Variants in HLCS observed in about 807,000 individuals in gnomAD.
The protein encoded by HLCS is biotin--protein ligase.
A neutral mutation model predicts 75.0 loss-of-function variants in HLCS; 53 were observed. The ratio of observed to expected loss-of-function variants is 0.71; its 90% confidence interval spans 0.57 to 0.89. The LOEUF is 0.89. HLCS is among the 40% of genes least tolerant of loss of function. The pLI, the probability that HLCS is intolerant of heterozygous loss-of-function variation, is 0.00. For synonymous variants in HLCS, 431 were observed against 428.6 expected (o/e 1.01, Z -0.07); for missense variants, 966 against 1,074.0 (o/e 0.90, Z 1.41).
At chr21:36,817,715 C>T (rs547689712) in intron 6 of HLCS, among the ~76,000 whole-genome samples, 92 of 152,170 alleles carry the variant, frequency 6.0e-4, no homozygotes, top group Non-Finnish European at 1.3e-3. Context: ...AAGTACTACT[C>T]CATTATTGGG....
chr21:36,940,421 C>T (rs1306596714), intron 2 of HLCS, among the ~76,000 whole-genome samples: 1 of 152,154 alleles, frequency 6.6e-6, no homozygotes, highest in Non-Finnish European at 1.5e-5. Context: ...GAGTAATTCT[C>T]CCGCCTCAGC....
At chr21:36,930,189 G>C in intron 5 of HLCS, 62 bp downstream of exon 5, 1 of 1,384,282 alleles carries the variant, frequency 7.2e-7, no homozygotes. Context: ...TAAAGCAACG[G>C]GTCGCCACTG....
intron 6 of HLCS, among the ~76,000 whole-genome samples, chr21:36,864,536 T>TA (rs1408104457): frequency 1.3e-5 from 2 of 152,212 alleles, no homozygotes; most frequent in Admixed American, 6.5e-5. Flanking sequence ...TTATCTACAA[T>TA]AAAAATACAC....
intron 6 of HLCS, among the ~76,000 whole-genome samples, chr21:36,859,796 A>T (rs1378231983): frequency 3.3e-5 from 5 of 152,192 alleles, no homozygotes; most frequent in African/African-American, 4.8e-5. Context: ...TTCACAAACC[A>T]CCATTCCCAG....
chr21:36,801,967 A>G (rs774798814), intron 6 of HLCS, among the ~76,000 whole-genome samples: 3 of 152,158 alleles, frequency 2.0e-5, no homozygotes, highest in Non-Finnish European at 4.4e-5. Context: ...TTTAGCAGCA[A>G]TATGATATAT....
intron 6 of HLCS, among the ~76,000 whole-genome samples, chr21:36,783,978 C>T (rs532048953): frequency 2.6e-5 from 4 of 152,232 alleles, no homozygotes; most frequent in East Asian, 1.9e-4. Context: ...AATGAATGAA[C>T]GGGCCATGGG....
rs1360298432 is a variant in HLCS at position 36,915,841 on chromosome 21, G to A, written c.1620+14410C>T. On this transcript the variant is annotated intron_variant, in intron 5 of 10. Coordinates refer to ENST00000674895, the MANE Select transcript of HLCS (RefSeq NM_001352514.2). ...CAGAATACAGAGCTGGACTGTGCGG[G>A]CAGCCGCTCGGGCAGAGAGGGCTGT... 2.6e-5 allele frequency among the ~76,000 whole-genome samples: 4 copies of A among 152,048 alleles called. No homozygotes were observed. The East Asian group carries it at 7.8e-4, about 30-fold the overall frequency.
intron 6 of HLCS, among the ~76,000 whole-genome samples, chr21:36,845,040 C>T (rs928904662): frequency 6.6e-6 from 1 of 152,138 alleles, no homozygotes; most frequent in Non-Finnish European, 1.5e-5. Flanking sequence ...CTTACATGGA[C>T]TTGATTTTTT....
At chr21:36,783,233 A>G (rs2060586435) in intron 6 of HLCS, among the ~76,000 whole-genome samples, 1 of 152,144 alleles carries the variant, frequency 6.6e-6, no homozygotes, top group African/African-American at 2.4e-5. Flanking sequence ...AAGCAAAAAC[A>G]AACTGATGCT....
chr21:36,803,825 A>G lies in HLCS; in HGVS notation c.1893-36540T>C, dbSNP rs1191541791. On this transcript the variant is annotated intron_variant, in intron 6 of 10. Coordinates refer to ENST00000674895, the MANE Select transcript of HLCS (RefSeq NM_001352514.2). The stretch of plus-strand genomic sequence containing the variant: ...CATCCATTTCAGGAAACCACCAGGT[A>G]GAATCGGGCAATTTGATGGGCAATT... Among the ~76,000 whole-genome samples, 5 of 151,706 alleles carry G rather than the reference A, an allele frequency of 3.3e-5. No individual in the cohort carries two copies. The East Asian group carries it at 9.7e-4, about 29-fold the overall frequency.
chr21:36,953,987 C>T (rs2067795749), intron 2 of HLCS, among the ~76,000 whole-genome samples: 1 of 152,166 alleles, frequency 6.6e-6, no homozygotes, highest in Non-Finnish European at 1.5e-5. Context: ...CACAAACCTA[C>T]TGGGCTGTCA....
chr21:36,805,141 A>G (rs1004042001), intron 6 of HLCS, among the ~76,000 whole-genome samples: 9 of 152,322 alleles, frequency 5.9e-5, no homozygotes, highest in South Asian at 2.1e-4. Flanking sequence ...ACATGACGAC[A>G]TAAGTAATAC....
At chr21:36,864,325 G>C (rs1227411204) in intron 6 of HLCS, among the ~76,000 whole-genome samples, 1 of 152,060 alleles carries the variant, frequency 6.6e-6, no homozygotes, top group Non-Finnish European at 1.5e-5. Flanking sequence ...ACTTGAACCT[G>C]GGAGATGGAG....
chr21:36,914,384 C>T (rs1266159964), intron 5 of HLCS, among the ~76,000 whole-genome samples: 2 of 152,240 alleles, frequency 1.3e-5, no homozygotes, highest in African/African-American at 4.8e-5. Context: ...AATATGAGTT[C>T]CTCCAGGGCT....
In HLCS at chr21:36,976,714, G is replaced by A. The variant is rs148945903; in HGVS notation, c.-393+13444C>T. On this transcript the variant is annotated intron_variant, in intron 1 of 11. Coordinates refer to the HLCS transcript ENST00000336648. ...GAACTCTCTGTACTATTTCTCTTTT[G>A]TAAGCCTAAAATTATTTCAAAATAA... Among the ~76,000 whole-genome samples the A allele has an allele frequency of 5.1e-4, 77 of 152,288 alleles. No homozygotes were observed. The Middle Eastern group carries it at 0.02, about 40-fold the overall frequency.
intron 10 of HLCS, among the ~76,000 whole-genome samples, chr21:36,756,085 T>C (rs984553850): frequency 6.6e-6 from 1 of 152,160 alleles, no homozygotes; most frequent in Non-Finnish European, 1.5e-5. Context: ...TCCCTGCAGT[T>C]TCTCTAACAG....
intron 6 of HLCS, among the ~76,000 whole-genome samples, chr21:36,895,374 A>C (rs1004472505): frequency 1.1e-4 from 16 of 152,236 alleles, no homozygotes; most frequent in Non-Finnish European, 4.4e-5. Context: ...CATCTAAAAG[A>C]ACAGGCTTTT....
At chr21:36,941,876 G>A (rs374355971) in intron 2 of HLCS, among the ~76,000 whole-genome samples, 4 of 152,082 alleles carry the variant, frequency 2.6e-5, no homozygotes, top group East Asian at 1.9e-4. Flanking sequence ...GCGTGCTGGC[G>A]GGTGCCTGTA....
chr21:36,784,535 T>TG (rs1318332458), intron 6 of HLCS, among the ~76,000 whole-genome samples: 1 of 152,012 alleles, frequency 6.6e-6, no homozygotes, highest in African/African-American at 2.4e-5. Context: ...AGGCTGGTCT[T>TG]GAACTCCTGA....
Sources: allele counts gnomAD v4.1 joint callset (sites outside exome capture counted in the v4.1 genomes callset), GRCh38; gene constraint gnomAD v4.1.1; transcripts MANE v1.5; gene names NCBI Gene and HGNC (gene_info 2026-07-23, HGNC 2026-07-21).